IQCJ: variants seen among roughly 807,000 people sequenced by gnomAD.
IQCJ encodes IQ domain-containing protein J.
Under a neutral mutation model 11.0 loss-of-function variants are expected in IQCJ, and 9 were observed. That is an observed-to-expected ratio of 0.82 (90% CI 0.49 to 1.43). The LOEUF is 1.43. IQCJ is among the 40% of genes most tolerant of loss of function. The pLI, the probability that IQCJ is intolerant of heterozygous loss-of-function variation, is 0.00. For synonymous variants in IQCJ, 55 were observed against 51.3 expected (o/e 1.07, Z -0.31); for missense variants, 146 against 133.2 (o/e 1.10, Z -0.47).
chr3:159,239,520 G>A (rs1426966489), intron 1 of IQCJ, among the ~76,000 whole-genome samples: 1 of 152,156 alleles, frequency 6.6e-6, no homozygotes. Flanking sequence ...AAAGTGCCAG[G>A]ACTGGCAGTA....
At position 159,262,577 on chromosome 3, in the gene IQCJ, A is replaced by G. The variant is rs752262085; in HGVS notation, c.185A>G (p.Gln62Arg). The G allele has an allele frequency of 6.2e-7, 1 of 1,613,856 alleles. No homozygotes were observed. The highest frequency in any genetic ancestry group is 1.1e-5 in the South Asian group (1 of 91,074). The part of the protein sequence containing the change: ...IIQRAWREYL[Q>R]RQEPLGKRSP... ...CAGCGAGCATGGCGAGAGTACCTGCAGCGGCAGGAGCCCCTGGGGAAGAGG... is the reference window on the plus strand; with the variant it reads ...CAGCGAGCATGGCGAGAGTACCTGCGGCGGCAGGAGCCCCTGGGGAAGAGG... The change falls in exon 4 of 4, where the codon CAG becomes CGG. Residue 62 changes from glutamine to arginine, a missense_variant. Physicochemically the swap from Gln to Arg is conservative, Grantham distance 43 (BLOSUM62 1). Coordinates refer to ENST00000397832, the MANE Select transcript of IQCJ (RefSeq NM_001042706.3).
chr3:159,238,177 G>A (rs541941905), intron 1 of IQCJ, among the ~76,000 whole-genome samples: 2 of 152,230 alleles, frequency 1.3e-5, no homozygotes, highest in Admixed American at 6.5e-5. Context: ...TGGAAACTAT[G>A]GCCATTAGTT....
intron 1 of IQCJ, chr3:159,069,667 T>G (rs1052550067): frequency 3.2e-6 from 2 of 630,234 alleles, no homozygotes; most frequent in African/African-American, 1.8e-5. Flanking sequence ...CATGTGTCTG[T>G]GCGGACAGAT....
At chr3:159,156,665 C>A (rs1011574130) in intron 1 of IQCJ, among the ~76,000 whole-genome samples, 6 of 152,258 alleles carry the variant, frequency 3.9e-5, no homozygotes, top group African/African-American at 1.4e-4. Context: ...TGACTTTGGT[C>A]ATATCTTGGG....
At chr3:159,184,137 C>G (rs916871794) in intron 1 of IQCJ, among the ~76,000 whole-genome samples, 1 of 152,014 alleles carries the variant, frequency 6.6e-6, no homozygotes, top group Admixed American at 6.6e-5. Flanking sequence ...GATTCACCCC[C>G]GCTCACCTCT....
intron 1 of IQCJ, among the ~76,000 whole-genome samples, chr3:159,211,806 T>G (rs550709080): frequency 6.6e-6 from 1 of 151,924 alleles, no homozygotes; most frequent in Non-Finnish European, 1.5e-5. Flanking sequence ...AATGCTAGAG[T>G]GACGATATAC....
chr3:159,228,401 TC>T (rs1725988039), intron 1 of IQCJ, among the ~76,000 whole-genome samples: 1 of 152,198 alleles, frequency 6.6e-6, no homozygotes, highest in Admixed American at 6.5e-5. Context: ...TTTAGGGCAA[TC>T]ACTAAGATTA....
At chr3:159,157,323 G>C (rs114044140) in intron 1 of IQCJ, among the ~76,000 whole-genome samples, 1 of 152,194 alleles carries the variant, frequency 6.6e-6, no homozygotes, top group African/African-American at 2.4e-5. Context: ...CTTGCGGTCA[G>C]TCTGCTAAAA....
chr3:159,163,430 A>C (rs1370922979), intron 1 of IQCJ, among the ~76,000 whole-genome samples: 3 of 152,234 alleles, frequency 2.0e-5, no homozygotes, highest in Non-Finnish European at 2.9e-5. Context: ...ATCTCAAAAT[A>C]ATAAGAGCTA....
At chr3:159,160,961 T>G (rs1229834916) in intron 1 of IQCJ, among the ~76,000 whole-genome samples, 1 of 152,170 alleles carries the variant, frequency 6.6e-6, no homozygotes, top group African/African-American at 2.4e-5. Flanking sequence ...TTCCAAGTCT[T>G]TGCTATTATG....
chr3:159,191,394 G>A (rs1392270338), intron 1 of IQCJ, among the ~76,000 whole-genome samples: 1 of 152,118 alleles, frequency 6.6e-6, no homozygotes, highest in African/African-American at 2.4e-5. Flanking sequence ...AAAGACATTA[G>A]GATTTGGGGG....
intron 1 of IQCJ, among the ~76,000 whole-genome samples, chr3:159,245,523 G>A (rs189243652): frequency 3.4e-5 from 5 of 147,236 alleles, no homozygotes; most frequent in Admixed American, 2.1e-4. Context: ...GTGCAGTGGC[G>A]CAATCTTGGC....
intron 1 of IQCJ, among the ~76,000 whole-genome samples, chr3:159,090,750 G>A (rs1358893925): frequency 6.6e-6 from 1 of 151,860 alleles, no homozygotes; most frequent in Admixed American, 6.5e-5. Context: ...CCCTTGAAAG[G>A]CAGAGCTGGG....
At chr3:159,236,731 T>C (rs969729281) in intron 1 of IQCJ, among the ~76,000 whole-genome samples, 1 of 152,212 alleles carries the variant, frequency 6.6e-6, no homozygotes, top group Non-Finnish European at 1.5e-5. Context: ...AGAGCAATAA[T>C]CAATATTTCA....
intron 1 of IQCJ, among the ~76,000 whole-genome samples, chr3:159,083,132 C>T (rs1314391047): frequency 6.6e-6 from 1 of 152,122 alleles, no homozygotes; most frequent in Non-Finnish European, 1.5e-5. Flanking sequence ...ACATTAAAAA[C>T]TTTTGTTCTG....
At chr3:159,255,624 G>A (rs1435966143) in intron 3 of IQCJ, among the ~76,000 whole-genome samples, 2 of 152,132 alleles carry the variant, frequency 1.3e-5, no homozygotes, top group East Asian at 1.9e-4. Flanking sequence ...TGTGAGTGTC[G>A]GGGAGGGTGC....
At chr3:159,219,585 G>A (rs1290889578) in intron 1 of IQCJ, among the ~76,000 whole-genome samples, 1 of 152,136 alleles carries the variant, frequency 6.6e-6, no homozygotes, top group Non-Finnish European at 1.5e-5. Context: ...CTTCAAAAAG[G>A]TTACTTGAAA....
intron 1 of IQCJ, among the ~76,000 whole-genome samples, chr3:159,237,758 C>T (rs775769189): frequency 4.6e-5 from 7 of 152,132 alleles, no homozygotes; most frequent in African/African-American, 9.7e-5. Flanking sequence ...TGAGTCTAAC[C>T]GAACCAGGTT....
intron 1 of IQCJ, among the ~76,000 whole-genome samples, chr3:159,187,895 C>A (rs766870961): frequency 1.3e-5 from 2 of 152,164 alleles, no homozygotes; most frequent in African/African-American, 2.4e-5. Flanking sequence ...GGCTGCATGA[C>A]CTATTTTAAA....
Sources: gnomAD v4.1 joint callset for allele counts (sites outside exome capture counted in the v4.1 genomes callset) on GRCh38, gnomAD v4.1.1 for gene constraint, MANE v1.5 for transcripts, NCBI Gene and HGNC (gene_info 2026-07-23, HGNC 2026-07-21) for gene names.